Variants in SDHAF2 observed in about 807,000 individuals in gnomAD.
The protein encoded by SDHAF2 is succinate dehydrogenase assembly factor 2, mitochondrial.
Under a neutral mutation model 18.5 loss-of-function variants are expected in SDHAF2, and 21 were observed. That is an observed-to-expected ratio of 1.13 (90% CI 0.80 to 1.63). SDHAF2 has a LOEUF of 1.63. Ranked by LOEUF, SDHAF2 falls within the 40% of genes most tolerant of loss-of-function variation. SDHAF2 has a pLI of 0.00. For missense variants in SDHAF2, 195 were observed against 200.3 expected (o/e 0.97, Z 0.16); for synonymous variants, 84 against 70.7 (o/e 1.19, Z -0.94).
rs564270406 is a variant in SDHAF2 at position 61,432,674 on chromosome 11, A to G, written c.36+2492A>G. 2.3e-5 allele frequency: 3 copies of G among 131,854 alleles called. No individual in the cohort carries two copies. In the South Asian group the frequency reaches 8.3e-4, roughly 36 times the overall value. The allele number at this position is 131,854 out of a possible 1,614,324, so 8.2% of individuals were successfully genotyped here. A position where few individuals can be genotyped will look rare whatever the true frequency, so the allele number is the denominator to read the frequency against. On this transcript the variant is annotated intron_variant, in intron 1 of 3. Transcript: ENST00000301761. ...TTTGCTCCTCTTTTCCACTCTTGTC[A>G]TCCTTTATATTTCGTTGACTTTTTT... is the stretch of plus-strand genomic sequence containing the variant.
chr11:61,435,272 G>A (rs1244060049), intron 1 of SDHAF2: 1 of 151,356 alleles, frequency 6.6e-6, no homozygotes, highest in African/African-American at 2.4e-5. Flanking sequence ...TCTTTTTTTT[G>A]GTTTTCTCAT....
intron 3 of SDHAF2, among the ~76,000 whole-genome samples, chr11:61,439,904 AC>A (rs1288890256): frequency 1.3e-5 from 2 of 152,214 alleles, no homozygotes; most frequent in African/African-American, 4.8e-5. Context: ...GCCACTGTAA[AC>A]ATTTGCATAC....
At chr11:61,442,466 C>G (rs558888298) in intron 3 of SDHAF2, among the ~76,000 whole-genome samples, 5 of 152,160 alleles carry the variant, frequency 3.3e-5, no homozygotes, top group African/African-American at 1.2e-4. Context: ...TATGTGTCTT[C>G]TCTTTCTGAA....
chr11:61,446,404 C>T lies in SDHAF2; in HGVS notation c.*333C>T. On this transcript the variant is annotated 3_prime_UTR_variant, in exon 4 of 4. Coordinates refer to ENST00000301761, the MANE Select transcript of SDHAF2 (RefSeq NM_017841.4). ...GTTGTGCTTGCTCATTGCCTCAGCCCAAGTGTACTCAAAGAAAAGAGGCAG... is the reference window on the plus strand; with the variant it reads ...GTTGTGCTTGCTCATTGCCTCAGCCTAAGTGTACTCAAAGAAAAGAGGCAG... The T allele has an allele frequency of 1.7e-6, 1 of 582,240 alleles. No individual in the cohort carries two copies. The highest frequency in any genetic ancestry group is 2.2e-5 in the South Asian group (1 of 45,572). The allele number at this position is 582,240 out of a possible 1,614,324, so 36.1% of individuals were successfully genotyped here.
chr11:61,432,678 T>G (rs1300656122), intron 1 of SDHAF2: 1 of 116,238 alleles, frequency 8.6e-6, no homozygotes, highest in Non-Finnish European at 1.9e-5. Flanking sequence ...CTTGTCATCC[T>G]TTATATTTCG....
At chr11:61,443,291 A>G (rs1259752133) in intron 3 of SDHAF2, among the ~76,000 whole-genome samples, 1 of 152,054 alleles carries the variant, frequency 6.6e-6, no homozygotes, top group East Asian at 1.9e-4. Context: ...AGAATTTCTC[A>G]TCTGTTCATA....
chr11:61,445,175 G>A (rs542011588), intron 3 of SDHAF2, among the ~76,000 whole-genome samples: 2 of 152,272 alleles, frequency 1.3e-5, no homozygotes, highest in South Asian at 4.1e-4. Context: ...TAATTCTGGA[G>A]CACATTGCCT....
rs1565130870 is a variant in SDHAF2, at chr11:61,446,014, C to A, written c.444C>A (p.Asn148Lys). Residue 148 changes from asparagine to lysine, a missense_variant, in exon 4 of 4, where the codon AAC becomes AAA. Transcript: ENST00000301761. ...TGAGAGACTTTGCTAAAAACAAAAACAAAGAGCAGAGACTGCGTGCCCCAG... is the reference window on the plus strand; with the variant it reads ...TGAGAGACTTTGCTAAAAACAAAAAAAAAGAGCAGAGACTGCGTGCCCCAG... Reference protein sequence around the residue: ...ALLRDFAKNKNKEQRLRAPDL... With the variant: ...ALLRDFAKNKKKEQRLRAPDL... 1 of 1,614,158 alleles carries A rather than the reference C, an allele frequency of 6.2e-7. No homozygotes were observed. Among genetic ancestry groups the A allele is most frequent in the African/African-American group, 1.3e-5 (1 of 75,036 alleles).
At chr11:61,430,749 A>G (rs1361505206) in intron 1 of SDHAF2, 1 of 152,982 alleles carries the variant, frequency 6.5e-6, no homozygotes. Flanking sequence ...TCACTCTAAT[A>G]TGTAATAGAA....
chr11:61,444,532 A>C (rs1338356658), intron 3 of SDHAF2: 1 of 152,114 alleles, frequency 6.6e-6, no homozygotes. Context: ...CAGGAGACCA[A>C]GACCAGCCTG....
chr11:61,444,580 A>AG (rs1862113554), intron 3 of SDHAF2, among the ~76,000 whole-genome samples: 1 of 152,054 alleles, frequency 6.6e-6, no homozygotes, highest in Admixed American at 6.5e-5. Flanking sequence ...TAAAAAAAAA[A>AG]AAATTACAAA....
At chr11:61,444,822 C>T (rs140263390) in intron 3 of SDHAF2, among the ~76,000 whole-genome samples, 41 of 152,312 alleles carry the variant, frequency 2.7e-4, no homozygotes, top group African/African-American at 9.6e-4. Context: ...CTGTGCCTGC[C>T]ACAGGTGAGC....
At chr11:61,435,393 G>A (rs1415648766) in intron 1 of SDHAF2, 1 of 152,058 alleles carries the variant, frequency 6.6e-6, no homozygotes, top group African/African-American at 2.4e-5. Context: ...GTTTCTTTAA[G>A]GTTAGTTTCT....
At chr11:61,440,720 T>C (rs997884234) in intron 3 of SDHAF2, among the ~76,000 whole-genome samples, 77 of 152,332 alleles carry the variant, frequency 5.1e-4, no homozygotes, top group African/African-American at 1.8e-3. Context: ...ATTTTAGGCT[T>C]TGCAGGCCAT....
At chr11:61,438,317 A>G (rs932178108) in intron 3 of SDHAF2, 5 of 624,702 alleles carry the variant, frequency 8.0e-6, no homozygotes, top group Admixed American at 5.3e-5. Flanking sequence ...CTCCAGCCTC[A>G]GCCTCCTGAG....
chr11:61,430,262 T>TG, intron 1 of SDHAF2, 80 bp downstream of exon 1: 1 of 1,579,838 alleles, frequency 6.3e-7, no homozygotes, highest in East Asian at 2.2e-5. Context: ...GTCTCTATCT[T>TG]GGGGAGAGTT....
At chr11:61,444,470 C>T (rs1801126888) in intron 3 of SDHAF2, 1 of 152,250 alleles carries the variant, frequency 6.6e-6, no homozygotes, top group South Asian at 2.1e-4. Flanking sequence ...CGTGGTGGCT[C>T]ACGCCTGTGA....
At chr11:61,441,485 T>C (rs1229682097) in intron 3 of SDHAF2, among the ~76,000 whole-genome samples, 1 of 145,662 alleles carries the variant, frequency 6.9e-6, no homozygotes, top group Non-Finnish European at 1.5e-5. Flanking sequence ...CATGCCACTA[T>C]ACTCCAGCCT....
chr11:61,445,806 T>C (rs1354704836), intron 3 of SDHAF2, 135 bp from the exon 4 acceptor site: 3 of 1,063,142 alleles, frequency 2.8e-6, no homozygotes, highest in Non-Finnish European at 4.3e-6. Context: ...TAACATCGTG[T>C]ATATTTAGAA....
Sources: allele counts gnomAD v4.1 joint callset (sites outside exome capture counted in the v4.1 genomes callset), GRCh38; gene constraint gnomAD v4.1.1; transcripts MANE v1.5; gene names NCBI Gene and HGNC (gene_info 2026-07-23, HGNC 2026-07-21).